The following KLF8 variants were observed in gnomAD, a reference collection of about 807,000 sequenced individuals.
KLF8 encodes KLF transcription factor 8.
A neutral mutation model predicts 18.2 loss-of-function variants in KLF8; 10 were observed. That is an observed-to-expected ratio of 0.55 (90% CI 0.34 to 0.93). The LOEUF is 0.93. KLF8 is among the 40% of genes least tolerant of loss of function. The probability of loss-of-function intolerance (pLI) is 0.02; values close to 1 mark genes in which losing one functional copy is unlikely to be tolerated. For missense variants in KLF8, 264 were observed against 277.9 expected, an observed-to-expected ratio of 0.95 and a Z score of 0.36; for synonymous variants, 109 against 97.3, an observed-to-expected ratio of 1.12 and a Z score of -0.71.
chrX:56,147,433 T>A, the KLF8 span, among the ~76,000 whole-genome samples: 1 of 111,677 alleles, frequency 9.0e-6, no homozygotes, highest in African/African-American at 3.3e-5. Context: ...AAAAGAAATC[T>A]GATGGGATTT....
At chrX:56,176,006 G>T in the KLF8 span, among the ~76,000 whole-genome samples, 130 of 111,835 alleles carry the variant, frequency 1.2e-3, no homozygotes, top group African/African-American at 4.2e-3. Flanking sequence ...CATGTGAGAT[G>T]TGTCTCCTGA....
chrX:56,231,388 G>C (rs1171558782), upstream of KLF8, among the ~76,000 whole-genome samples: 2 of 112,072 alleles, frequency 1.8e-5, no homozygotes, highest in Non-Finnish European at 3.8e-5. Context: ...AGGGCACAGA[G>C]AATATAACAG....
the KLF8 span, among the ~76,000 whole-genome samples, chrX:56,112,647 ATTCT>A: frequency 9.0e-6 from 1 of 110,741 alleles, no homozygotes; most frequent in Non-Finnish European, 1.9e-5. Flanking sequence ...ATTTTTTGTC[ATTCT>A]TATTTTCTGT....
chrX:56,169,838 G>T, the KLF8 span, among the ~76,000 whole-genome samples: 3 of 111,383 alleles, frequency 2.7e-5, no homozygotes, highest in Admixed American at 1.9e-4. Flanking sequence ...AGGGCCTTTT[G>T]TGAACATAGG....
chrX:56,080,414 G>C, the KLF8 span, among the ~76,000 whole-genome samples: 2 of 110,838 alleles, frequency 1.8e-5, no homozygotes, highest in Non-Finnish European at 3.8e-5. Context: ...TTGAAGCTTA[G>C]TTTGGCTGGA....
At chrX:56,185,604 A>C in the KLF8 span, among the ~76,000 whole-genome samples, 220 of 112,063 alleles carry the variant, frequency 2.0e-3, no homozygotes, top group African/African-American at 6.8e-3. Context: ...GAAGGAAAAA[A>C]TGTTAAGAGC....
At chrX:56,255,767 A>G (rs758920848) in intron 2 of KLF8, among the ~76,000 whole-genome samples, 2 of 111,821 alleles carry the variant, frequency 1.8e-5, no homozygotes, top group Non-Finnish European at 3.8e-5. Context: ...TCTTTCTAAT[A>G]TATTGTTGAA....
the KLF8 span, among the ~76,000 whole-genome samples, chrX:56,096,908 G>T: frequency 9.0e-6 from 1 of 111,095 alleles, no homozygotes. Context: ...GCATTAAAAT[G>T]ACACTAAAAG....
At chrX:56,091,886 C>T in the KLF8 span, among the ~76,000 whole-genome samples, 1 of 111,357 alleles carries the variant, frequency 9.0e-6, no homozygotes. Context: ...TGAGAAATCT[C>T]CATGGTATTT....
the KLF8 span, among the ~76,000 whole-genome samples, chrX:56,117,241 TC>T: frequency 1.2e-4 from 13 of 112,100 alleles, no homozygotes; most frequent in African/African-American, 4.2e-4. Context: ...CATTTCAACT[TC>T]CCCCTTATAT....
chrX:56,184,656 G>C, the KLF8 span, among the ~76,000 whole-genome samples: 7 of 111,501 alleles, frequency 6.3e-5, no homozygotes, highest in Non-Finnish European at 1.3e-4. Context: ...TCACACGGCC[G>C]GGTACTCCTC....
the KLF8 span, among the ~76,000 whole-genome samples, chrX:56,080,193 G>A: frequency 0.017 from 1,925 of 110,089 alleles, 30 homozygotes; most frequent in Admixed American, 0.026. Flanking sequence ...CTGTCATTAT[G>A]ATGTTAGTTG....
chrX:56,148,064 T>C, the KLF8 span, among the ~76,000 whole-genome samples: 2 of 112,271 alleles, frequency 1.8e-5, no homozygotes, highest in Non-Finnish European at 3.8e-5. Context: ...TTTTAAGTAG[T>C]TATTTTTGTG....
At chrX:56,139,903 T>C in the KLF8 span, among the ~76,000 whole-genome samples, 2 of 111,608 alleles carry the variant, frequency 1.8e-5, no homozygotes, top group African/African-American at 6.5e-5. Flanking sequence ...ATATCCATAA[T>C]CTGTAAGGAA....
At chrX:56,076,759 A>C in the KLF8 span, among the ~76,000 whole-genome samples, 7 of 111,759 alleles carry the variant, frequency 6.3e-5, no homozygotes, top group Non-Finnish European at 1.3e-4. Context: ...TCCCACCAAC[A>C]GTGTAAAAGT....
chrX:56,017,893 T>G, the KLF8 span, among the ~76,000 whole-genome samples: 3 of 111,822 alleles, frequency 2.7e-5, no homozygotes, highest in Non-Finnish European at 5.6e-5. Context: ...TTTTTATTAA[T>G]TTTAAATTCT....
the KLF8 span, among the ~76,000 whole-genome samples, chrX:56,118,527 T>A: frequency 1.8e-5 from 2 of 111,207 alleles, no homozygotes; most frequent in African/African-American, 6.5e-5. Flanking sequence ...AATGTTTGTA[T>A]GAGATAGGTA....
the KLF8 span, among the ~76,000 whole-genome samples, chrX:56,065,808 A>ATC: frequency 1.8e-5 from 2 of 112,002 alleles, no homozygotes; most frequent in Non-Finnish European, 3.8e-5. Context: ...ATTTGACTGT[A>ATC]AACAGCAGTT....
the KLF8 span, among the ~76,000 whole-genome samples, chrX:55,999,816 A>G: frequency 9.0e-6 from 1 of 111,725 alleles, no homozygotes; most frequent in African/African-American, 3.2e-5. Flanking sequence ...CAACTTCTTC[A>G]TTTCCTATTT....
Sources: allele counts gnomAD v4.1 joint callset (sites outside exome capture counted in the v4.1 genomes callset), GRCh38; gene constraint gnomAD v4.1.1; transcripts MANE v1.5; gene names NCBI Gene and HGNC (gene_info 2026-07-23, HGNC 2026-07-21).